Variants in NEK6 observed in about 807,000 individuals in gnomAD.
NEK6 encodes NIMA related kinase 6.
NEK6 carries 27 observed loss-of-function variants against 43.5 expected under a neutral mutation model. That is an observed-to-expected ratio of 0.62 (90% CI 0.46 to 0.86). NEK6 has a LOEUF of 0.86. Among genes scored for constraint, NEK6 ranks in the 40% least tolerant of loss-of-function variants. The pLI is 0.00. For missense variants in NEK6, 318 were observed against 414.4 expected, an observed-to-expected ratio of 0.77 and a Z score of 2.02; for synonymous variants, 167 against 164.1, an observed-to-expected ratio of 1.02 and a Z score of -0.14.
At chr9:124,346,541 G>A (rs1829935386) in intron 8 of NEK6, among the ~76,000 whole-genome samples, 1 of 152,134 alleles carries the variant, frequency 6.6e-6, no homozygotes, top group South Asian at 2.1e-4. Flanking sequence ...CAGCAGGAGG[G>A]CACTCGCCCG....
chr9:124,276,857 A>G (rs929306107), intron 1 of NEK6, among the ~76,000 whole-genome samples: 2 of 152,226 alleles, frequency 1.3e-5, no homozygotes, highest in Non-Finnish European at 2.9e-5. Context: ...TGCAGGAACC[A>G]TAAGTGGCTC....
chr9:124,316,470 T>G (rs1267393320), intron 4 of NEK6, among the ~76,000 whole-genome samples: 10 of 151,974 alleles, frequency 6.6e-5, no homozygotes, highest in Non-Finnish European at 1.0e-4. Flanking sequence ...TACTCTCAGC[T>G]CTCCCTCCCT....
At chr9:124,290,977 G>T (rs538905893) in intron 1 of NEK6, among the ~76,000 whole-genome samples, 2 of 152,298 alleles carry the variant, frequency 1.3e-5, no homozygotes, top group South Asian at 4.1e-4. Flanking sequence ...AAGGGAAGAC[G>T]AACACTCCTC....
intron 1 of NEK6, among the ~76,000 whole-genome samples, chr9:124,287,531 A>G (rs1281578557): frequency 6.6e-6 from 1 of 152,192 alleles, no homozygotes; most frequent in Non-Finnish European, 1.5e-5. Flanking sequence ...GTAGACCATC[A>G]AGAACTGACC....
upstream of NEK6, chr9:124,257,611 G>T: frequency 6.8e-7 from 1 of 1,460,556 alleles, no homozygotes. Flanking sequence ...TAGGAGCAAT[G>T]CTAGGCGATG....
In NEK6 at chr9:124,352,576, C is replaced by T. The variant is rs2131130968; in HGVS notation, c.*1629C>T. ...GTAATCCCAGGATTTCTTTAAGCTC[C>T]CCAAATAATTTTGAAACTCATCATC... On this transcript the variant is annotated 3_prime_UTR_variant, in exon 10 of 10. Transcript: ENST00000320246. 1 of 138,958 alleles carries T rather than the reference C, an allele frequency of 7.2e-6. No homozygotes were observed. Among genetic ancestry groups the T allele is most frequent in the African/African-American group, 2.6e-5 (1 of 38,596 alleles). 8.6% of individuals were successfully genotyped at this position (138,958 alleles called of 1,614,324 possible). A position where few individuals can be genotyped will look rare whatever the true frequency, so the allele number is the denominator to read the frequency against.
chr9:124,281,487 CTTTTTTTTTTTTTTTTTT>C (rs759381068), intron 1 of NEK6, among the ~76,000 whole-genome samples: 11 of 102,970 alleles, frequency 1.1e-4, no homozygotes, highest in South Asian at 3.5e-4. Flanking sequence ...GCTGTTTTTT[CTTTTTTTTTTTTTTTTTT>C]TTTTTTTTTT....
At chr9:124,336,567 T>C (rs1473874501) in intron 7 of NEK6, among the ~76,000 whole-genome samples, 1 of 152,216 alleles carries the variant, frequency 6.6e-6, no homozygotes, top group Admixed American at 6.5e-5. Flanking sequence ...GGATCCCCTC[T>C]TCCTCATGTC....
At chr9:124,279,429 G>A (rs1831798956) in intron 1 of NEK6, among the ~76,000 whole-genome samples, 1 of 151,866 alleles carries the variant, frequency 6.6e-6, no homozygotes, top group Non-Finnish European at 1.5e-5. Flanking sequence ...AGCCACCCGA[G>A]TAGCTGGGAC....
chr9:124,329,817 T>C (rs1052093183), intron 7 of NEK6, among the ~76,000 whole-genome samples: 1 of 152,220 alleles, frequency 6.6e-6, no homozygotes, highest in Non-Finnish European at 1.5e-5. Flanking sequence ...AGCTAAGTCT[T>C]GCACACACGT....
At chr9:124,284,490 C>T (rs995951484) in intron 1 of NEK6, among the ~76,000 whole-genome samples, 4 of 152,240 alleles carry the variant, frequency 2.6e-5, no homozygotes, top group Non-Finnish European at 4.4e-5. Context: ...ACCACGCACA[C>T]GTTTGTTTAA....
At chr9:124,277,613 G>A (rs1377251836) in intron 1 of NEK6, among the ~76,000 whole-genome samples, 4 of 152,222 alleles carry the variant, frequency 2.6e-5, no homozygotes, top group Non-Finnish European at 5.9e-5. Flanking sequence ...GAGAATAAAT[G>A]ATAAAATCTG....
intron 9 of NEK6, 62 bp downstream of exon 9, chr9:124,347,884 C>T (rs749350562): frequency 7.8e-5 from 73 of 932,340 alleles, no homozygotes; most frequent in Non-Finnish European, 1.0e-4. Flanking sequence ...TTATGAGGGC[C>T]GCTCCAAAAC....
chr9:124,344,428 C>T (rs1290101417), intron 8 of NEK6, among the ~76,000 whole-genome samples: 1 of 152,228 alleles, frequency 6.6e-6, no homozygotes. Context: ...TAGTGGGAGC[C>T]ACCACAAAGC....
intron 1 of NEK6, among the ~76,000 whole-genome samples, chr9:124,300,312 G>T (rs962196401): frequency 6.6e-6 from 1 of 152,180 alleles, no homozygotes; most frequent in Non-Finnish European, 1.5e-5. Flanking sequence ...CACAGTGGCC[G>T]GACCTCTAGG....
intron 1 of NEK6, among the ~76,000 whole-genome samples, chr9:124,268,034 GTC>G (rs1224718877): frequency 6.6e-6 from 1 of 152,226 alleles, no homozygotes; most frequent in East Asian, 1.9e-4. Flanking sequence ...GCTGTGCGAA[GTC>G]TCTGGATGCT....
At chr9:124,349,615 C>A (rs769824704) in intron 9 of NEK6, among the ~76,000 whole-genome samples, 2 of 151,996 alleles carry the variant, frequency 1.3e-5, no homozygotes, top group Non-Finnish European at 2.9e-5. Context: ...TTATTTTTCT[C>A]TTGAATTCTG....
Position 124,313,968 on chromosome 9 carries a change from G to T in NEK6, c.277G>T (p.Glu93Ter), listed in dbSNP as rs1463842648. 1.2e-6 allele frequency: 2 copies of T among 1,614,208 alleles called. No individual in the cohort carries two copies. Among genetic ancestry groups the T allele is most frequent in the Admixed American group, 3.3e-5 (2 of 60,032 alleles). Residue 93 changes from glutamate to a stop codon, truncating the protein, a stop_gained, in exon 4 of 10, where the codon GAG (glutamate) becomes TAG (stop). Coordinates refer to ENST00000320246, the MANE Select transcript of NEK6 (RefSeq NM_014397.6). LOFTEE classifies it high-confidence loss of function. ...DAKARQDCVK[E>*]IGLLKQLNHP... is the part of the protein sequence containing the mutation. ...CAAGGCGAGGCAGGACTGTGTCAAG[G>T]AGATCGGCCTCTTGAAGGTGAGCAC...
intron 4 of NEK6, among the ~76,000 whole-genome samples, chr9:124,316,433 G>A (rs1225487805): frequency 1.3e-5 from 2 of 152,222 alleles, no homozygotes; most frequent in Non-Finnish European, 2.9e-5. Context: ...AGCCCCTGAT[G>A]GCAGAGATTC....
Sources: allele counts gnomAD v4.1 joint callset (sites outside exome capture counted in the v4.1 genomes callset), GRCh38; gene constraint gnomAD v4.1.1; transcripts MANE v1.5; gene names NCBI Gene and HGNC (gene_info 2026-07-23, HGNC 2026-07-21).